The following CCDC171 variants were observed in gnomAD, a reference collection of about 807,000 sequenced individuals.
The protein encoded by CCDC171 is coiled-coil domain containing 171, also known as coiled-coil domain-containing protein 171.
CCDC171 carries 177 observed loss-of-function variants against 168.2 expected under a neutral mutation model. The observed-to-expected ratio is 1.05, with a 90% CI of 0.93 to 1.19. The LOEUF is 1.19. Among genes scored for constraint, CCDC171 ranks in the 50% most tolerant of loss-of-function variants. The pLI is 0.00. For synonymous variants in CCDC171, 687 were observed against 540.8 expected, an observed-to-expected ratio of 1.27 and a Z score of -3.75; for missense variants, 1,991 against 1,539.0, an observed-to-expected ratio of 1.29 and a Z score of -4.91.
At position 15,729,726 on chromosome 9, in the gene CCDC171, C is replaced by G; in HGVS notation, c.1977C>G (p.Cys659Trp). The change falls in exon 16 of 26, where the codon TGC becomes TGG. Residue 659 changes from cysteine to tryptophan, a missense_variant. Physicochemically the swap from Cys to Trp is radical, Grantham distance 215. Transcript: ENST00000380701. ...AACAGATCAAAGCCCAAGAGAGCTG[C>G]TGGCACAGACAAAAGAAGGAACTAG... Reference protein sequence around the residue: ...VAEQIKAQESCWHRQKKELEL... With the variant: ...VAEQIKAQESWWHRQKKELEL... 6.2e-7 allele frequency: 1 copy of G among 1,613,436 alleles called. No individual in the cohort carries two copies. Among genetic ancestry groups the G allele is most frequent in the Non-Finnish European group, 8.5e-7 (1 of 1,179,558 alleles).
chr9:15,660,323 T>C (rs1263877928), intron 8 of CCDC171, among the ~76,000 whole-genome samples: 3 of 152,210 alleles, frequency 2.0e-5, no homozygotes, highest in Admixed American at 6.5e-5. Flanking sequence ...CTTTTATGAT[T>C]TCAGCTTTTA....
At chr9:15,764,777 G>A (rs1303425334) in intron 18 of CCDC171, among the ~76,000 whole-genome samples, 1 of 152,102 alleles carries the variant, frequency 6.6e-6, no homozygotes, top group African/African-American at 2.4e-5. Context: ...AGTCATGTAG[G>A]GTAGTGATTT....
chr9:15,628,476 A>AG (rs1274399744), intron 7 of CCDC171, among the ~76,000 whole-genome samples: 1 of 152,128 alleles, frequency 6.6e-6, no homozygotes, highest in Non-Finnish European at 1.5e-5. Flanking sequence ...AGGCTAGGGG[A>AG]GGGGCGGCTG....
At chr9:15,623,471 GCGCGCA>G (rs2044703469) in intron 7 of CCDC171, 58 bp downstream of exon 7, 20 of 505,410 alleles carry the variant, frequency 4.0e-5, no homozygotes, top group Middle Eastern at 9.9e-4. Context: ...ATATGCGCGC[GCGCGCA>G]CACACACACA....
chr9:15,745,746 T>G (rs1330425473), intron 18 of CCDC171, 115 bp downstream of exon 18: 1 of 592,256 alleles, frequency 1.7e-6, no homozygotes, highest in East Asian at 3.0e-5. Flanking sequence ...TGTTTTTATC[T>G]TTATTTTATT....
chr9:15,647,545 T>C (rs1352570288), intron 7 of CCDC171, among the ~76,000 whole-genome samples: 1 of 151,358 alleles, frequency 6.6e-6, no homozygotes, highest in Non-Finnish European at 1.5e-5. Context: ...ATAGACACAA[T>C]AAAAAATGAT....
chr9:15,930,803 A>G (rs1006039377), intron 25 of CCDC171, among the ~76,000 whole-genome samples: 1 of 151,766 alleles, frequency 6.6e-6, no homozygotes, highest in African/African-American at 2.4e-5. Flanking sequence ...TAAAACTATA[A>G]AATTCTTTTT....
intron 21 of CCDC171, among the ~76,000 whole-genome samples, chr9:15,798,780 G>T (rs2058678584): frequency 1.3e-5 from 2 of 152,104 alleles, no homozygotes; most frequent in African/African-American, 4.8e-5. Flanking sequence ...AATATTGACT[G>T]TGTAGTTTTT....
At chr9:16,041,320 G>A (rs935472665), upstream of CCDC171, among the ~76,000 whole-genome samples, 1 of 152,198 alleles carries the variant, frequency 6.6e-6, no homozygotes, top group African/African-American at 2.4e-5. Flanking sequence ...GAAAAGGCCT[G>A]AGAGAAAATG....
intron 7 of CCDC171, among the ~76,000 whole-genome samples, chr9:15,633,044 C>T (rs1008113948): frequency 2.6e-5 from 4 of 152,118 alleles, no homozygotes; most frequent in East Asian, 1.9e-4. Context: ...AAGACTTAAA[C>T]GTTAGACCTA....
In CCDC171 at chr9:15,727,942, G is replaced by T. The variant is rs1472102235; in HGVS notation, c.1766G>T (p.Gly589Val). The T allele has an allele frequency of 3.7e-6, 6 of 1,613,202 alleles. No homozygotes were observed. In the South Asian group the frequency reaches 6.6e-5, roughly 18 times the overall value. ...AGCVLIKQPEGMLDKFSWSEL... is the reference protein window; with the variant it reads ...AGCVLIKQPEVMLDKFSWSEL... ...TGTGTGCTCATAAAACAACCAGAAG[G>T]CATGCTGGATAAATTCTCTTGGTCT... The change falls in exon 15 of 26, where the codon GGC becomes GTC. Residue 589 changes from glycine (G) to valine (V), a missense_variant. By Grantham distance (109) the Gly-to-Val change is moderately radical (BLOSUM62 -3). Coordinates refer to ENST00000380701, the MANE Select transcript of CCDC171 (RefSeq NM_173550.4).
chr9:15,588,502 A>G, intron 4 of CCDC171: 1 of 322,162 alleles, frequency 3.1e-6, no homozygotes, highest in Non-Finnish European at 6.2e-6. Context: ...AAGGGAGAAA[A>G]GGTACCCAAA....
At chr9:15,609,077 C>T (rs2043452744) in intron 6 of CCDC171, among the ~76,000 whole-genome samples, 1 of 144,038 alleles carries the variant, frequency 6.9e-6, no homozygotes, top group Non-Finnish European at 1.5e-5. Flanking sequence ...AGGCAATTTA[C>T]ATTATGTATG....
intron 11 of CCDC171, among the ~76,000 whole-genome samples, chr9:15,712,762 A>G (rs570582163): frequency 2.0e-5 from 3 of 152,136 alleles, no homozygotes; most frequent in South Asian, 4.2e-4. Flanking sequence ...TGTTTTTGCT[A>G]TTGGTGAATT....
chr9:16,027,512 A>T (rs893271619), intron 6 of CCDC171, among the ~76,000 whole-genome samples: 2 of 152,224 alleles, frequency 1.3e-5, no homozygotes, highest in African/African-American at 4.8e-5. Flanking sequence ...CCCCAAAATC[A>T]AAGTTGCGAG....
the CCDC171 span, among the ~76,000 whole-genome samples, chr9:16,085,193 A>C: frequency 2.0e-5 from 3 of 152,216 alleles, no homozygotes; most frequent in South Asian, 6.2e-4. Context: ...CACTCCATCC[A>C]TAAATGATCT....
intron 21 of CCDC171, among the ~76,000 whole-genome samples, chr9:15,800,087 A>G (rs1356909231): frequency 6.6e-6 from 1 of 152,082 alleles, no homozygotes; most frequent in Non-Finnish European, 1.5e-5. Flanking sequence ...GGGAGTGCAG[A>G]TATCTCTTCA....
At position 16,019,638 on chromosome 9, in the gene CCDC171, A is replaced by G. The variant is rs146060639; in HGVS notation, n.369-951A>G. ...AAATCTCACCTTTTTTGGAAAGGCT[A>G]CAGTCTACAATTACCATATTTTCTA... On this transcript the variant is annotated intron_variant and non_coding_transcript_variant, in intron 3 of 9. Transcript: ENST00000486641. 1.1e-3 allele frequency among the ~76,000 whole-genome samples: 168 copies of G among 152,312 alleles called. 1 individual carries two copies. The East Asian group carries it at 0.032, about 29-fold the overall frequency.
rs1347376682 is a variant in CCDC171 at position 15,778,972 on chromosome 9, G to A, written c.2903G>A (p.Ser968Asn). 1.8e-5 allele frequency: 27 copies of A among 1,515,162 alleles called. No individual in the cohort carries two copies. Among genetic ancestry groups the A allele is most frequent in the Non-Finnish European group, 2.4e-5 (27 of 1,132,532 alleles). The allele number at this position is 1,515,162 out of a possible 1,614,324, so 93.9% of individuals were successfully genotyped here. The stretch of plus-strand genomic sequence containing the variant: ...ATTGCTCTTGTTTAACAACAGAAAA[G>A]CACAGCATCGTTGCAGAAGCAAATA... ...GLRGHVPITK[S>N]TASLQKQILG... The change falls in exon 20 of 26, where the codon AGC becomes AAC. Residue 968 changes from serine to asparagine, a missense_variant. Transcript: ENST00000380701.
Sources: allele counts gnomAD v4.1 joint callset (sites outside exome capture counted in the v4.1 genomes callset), GRCh38; gene constraint gnomAD v4.1.1; transcripts MANE v1.5; gene names NCBI Gene and HGNC (gene_info 2026-07-23, HGNC 2026-07-21).